Variants in RAP1A observed in about 807,000 individuals in gnomAD.
RAP1A encodes the protein ras-related protein Rap-1A.
RAP1A carries 6 observed loss-of-function variants against 26.4 expected under a neutral mutation model. The ratio of observed to expected loss-of-function variants is 0.23; its 90% CI spans 0.12 to 0.45. RAP1A has a LOEUF of 0.45. RAP1A is among the 20% of genes least tolerant of loss of function. The pLI, the probability that RAP1A is intolerant of heterozygous loss-of-function variation, is 0.99. For missense variants in RAP1A, 121 were observed against 217.2 expected (o/e 0.56, Z 2.78); for synonymous variants, 73 against 79.4 (o/e 0.92, Z 0.43).
At chr1:111,572,107 G>T (rs1658060654) in intron 1 of RAP1A, among the ~76,000 whole-genome samples, 1 of 152,240 alleles carries the variant, frequency 6.6e-6, no homozygotes, top group Non-Finnish European at 1.5e-5. Context: ...ACAACTGGCA[G>T]CAGAAAGATG....
chr1:111,709,005 A>G (rs943844005), intron 6 of RAP1A, 144 bp from the exon 7 acceptor site: 10 of 1,093,784 alleles, frequency 9.1e-6, no homozygotes, highest in Middle Eastern at 3.3e-4. Flanking sequence ...ATTGAAAGTC[A>G]GCAGAGCCTT....
At chr1:111,678,006 T>G (rs976302889) in intron 1 of RAP1A, among the ~76,000 whole-genome samples, 3 of 152,256 alleles carry the variant, frequency 2.0e-5, no homozygotes, top group African/African-American at 7.2e-5. Context: ...CCCTGATTTG[T>G]ATGTTTGTCG....
intron 1 of RAP1A, 82 bp from the exon 2 acceptor site, chr1:111,691,252 A>C: frequency 1.1e-6 from 1 of 917,862 alleles, no homozygotes; most frequent in Non-Finnish European, 1.6e-6. Flanking sequence ...AACAAAACAA[A>C]CTCCTATGTT....
chr1:111,638,679 G>GC (rs931577527), intron 1 of RAP1A, among the ~76,000 whole-genome samples: 11 of 152,126 alleles, frequency 7.2e-5, no homozygotes, highest in African/African-American at 2.7e-4. Context: ...ACCCACCTTT[G>GC]CCCCCCAAAG....
chr1:111,703,768 T>C (rs1237862922), intron 5 of RAP1A, among the ~76,000 whole-genome samples: 1 of 152,192 alleles, frequency 6.6e-6, no homozygotes, highest in Non-Finnish European at 1.5e-5. Flanking sequence ...GGACCTGAGT[T>C]GAGCTTTGAA....
chr1:111,568,289 C>A (rs902743361), intron 1 of RAP1A, among the ~76,000 whole-genome samples: 1 of 152,156 alleles, frequency 6.6e-6, no homozygotes, highest in Non-Finnish European at 1.5e-5. Context: ...CTCTACTCAG[C>A]TTCTAGTGAG....
At chr1:111,657,023 A>C (rs1351771435) in intron 1 of RAP1A, among the ~76,000 whole-genome samples, 5 of 150,892 alleles carry the variant, frequency 3.3e-5, no homozygotes, top group Admixed American at 3.3e-4. Context: ...CGCCCCCAAC[A>C]ACCACCATTC....
chr1:111,555,595 G>T (rs953238018), intron 1 of RAP1A, among the ~76,000 whole-genome samples: 3 of 151,934 alleles, frequency 2.0e-5, no homozygotes, highest in Non-Finnish European at 1.5e-5. Flanking sequence ...GAAACATGGA[G>T]AATGAAGTGA....
At chr1:111,595,449 T>C (rs1415252899) in intron 1 of RAP1A, among the ~76,000 whole-genome samples, 1 of 152,062 alleles carries the variant, frequency 6.6e-6, no homozygotes, top group Non-Finnish European at 1.5e-5. Context: ...CATTTCCAGC[T>C]CAACATCTTC....
chr1:111,644,401 T>C (rs534285762), intron 1 of RAP1A, among the ~76,000 whole-genome samples: 2 of 152,206 alleles, frequency 1.3e-5, no homozygotes, highest in South Asian at 4.2e-4. Context: ...TCATAAAAAA[T>C]CAGCTCTAGC....
intron 1 of RAP1A, among the ~76,000 whole-genome samples, chr1:111,654,569 G>T (rs1417246205): frequency 1.3e-5 from 2 of 152,114 alleles, no homozygotes; most frequent in Non-Finnish European, 2.9e-5. Flanking sequence ...GTCCAAAGTG[G>T]TGATTATAAT....
intron 1 of RAP1A, among the ~76,000 whole-genome samples, chr1:111,646,861 A>G (rs573177471): frequency 6.6e-6 from 1 of 152,322 alleles, no homozygotes; most frequent in South Asian, 2.1e-4. Flanking sequence ...TTCTTAACAC[A>G]GAACTAGTTG....
At chr1:111,685,780 A>G (rs1286207353) in intron 1 of RAP1A, among the ~76,000 whole-genome samples, 3 of 152,242 alleles carry the variant, frequency 2.0e-5, no homozygotes, top group South Asian at 2.1e-4. Flanking sequence ...CTGGGTATAT[A>G]CCCAAAGGAT....
intron 1 of RAP1A, among the ~76,000 whole-genome samples, chr1:111,582,119 C>T (rs1445216193): frequency 6.6e-6 from 1 of 152,156 alleles, no homozygotes; most frequent in African/African-American, 2.4e-5. Context: ...ACATCTCAGC[C>T]TTGAATGATG....
chr1:111,574,703 A>G (rs1321227782), intron 1 of RAP1A, among the ~76,000 whole-genome samples: 1 of 152,252 alleles, frequency 6.6e-6, no homozygotes. Flanking sequence ...TCAGGCTAAA[A>G]CTAGTAAAGT....
At chr1:111,677,803 G>A (rs961499353) in intron 1 of RAP1A, among the ~76,000 whole-genome samples, 2 of 152,174 alleles carry the variant, frequency 1.3e-5, no homozygotes, top group African/African-American at 4.8e-5. Flanking sequence ...GTCACATGAC[G>A]AATCTTGATT....
intron 1 of RAP1A, among the ~76,000 whole-genome samples, chr1:111,647,857 T>C (rs1032091359): frequency 6.6e-6 from 1 of 152,170 alleles, no homozygotes; most frequent in African/African-American, 2.4e-5. Flanking sequence ...CTAATACATG[T>C]TAAGATCATA....
intron 1 of RAP1A, among the ~76,000 whole-genome samples, chr1:111,672,084 G>C (rs1256414526): frequency 6.6e-6 from 1 of 150,516 alleles, no homozygotes; most frequent in East Asian, 1.9e-4. Context: ...GTTGGGTGTG[G>C]TGTTCTATAT....
In RAP1A at chr1:111,546,742, A is replaced by G. The variant is rs115505690; in HGVS notation, c.-28+4233A>G. On this transcript the variant is annotated intron_variant, in intron 1 of 7. Transcript: ENST00000356415. The stretch of plus-strand genomic sequence containing the variant: ...GGCTGGTATGAACATGGGTGCACAA[A>G]TATCTATTTAAGTCCCTACTTTTAA... 5.7e-3 allele frequency among the ~76,000 whole-genome samples: 862 copies of G among 152,280 alleles called. 7 individuals are homozygous for G. Among genetic ancestry groups the G allele is most frequent in the African/African-American group, 0.019 (790 of 41,562 alleles).
Sources: allele counts gnomAD v4.1 joint callset (sites outside exome capture counted in the v4.1 genomes callset), GRCh38; gene constraint gnomAD v4.1.1; transcripts MANE v1.5; gene names NCBI Gene and HGNC (gene_info 2026-07-23, HGNC 2026-07-21).